Variants in C10orf143 observed in about 807,000 individuals in gnomAD.
C10orf143 encodes the protein chromosome 10 open reading frame 143, also known as uncharacterized protein C10orf143.
At chr10:130,087,915 G>A (rs191525856) in intron 1 of C10orf143, among the ~76,000 whole-genome samples, 2 of 152,350 alleles carry the variant, frequency 1.3e-5, no homozygotes, top group East Asian at 3.9e-4. Context: ...GAATAGAGAA[G>A]AGGCATGGTT....
At chr10:130,103,342 T>G (rs1019990548) in intron 1 of C10orf143, among the ~76,000 whole-genome samples, 7 of 152,104 alleles carry the variant, frequency 4.6e-5, no homozygotes, top group Non-Finnish European at 1.0e-4. Flanking sequence ...CTACTAAAAT[T>G]AGAAAAATTA....
chr10:130,048,599 G>A lies in C10orf143; in HGVS notation c.298-12629C>T, dbSNP rs552907224. On this transcript the variant is annotated intron_variant and NMD_transcript_variant, in intron 3 of 5. Coordinates refer to the C10orf143 transcript ENST00000643056. ...GTGCAGGGACCTCGGTCACTTTTAG[G>A]CTCCAAGGGCCACCTACTAGCCCCA... Among the ~76,000 whole-genome samples the A allele has an allele frequency of 1.2e-4, 18 of 152,272 alleles. No homozygotes were observed. The South Asian group carries it at 3.7e-3, about 32-fold the overall frequency.
At chr10:130,080,130 A>C (rs1298684944) in intron 1 of C10orf143, among the ~76,000 whole-genome samples, 5 of 152,226 alleles carry the variant, frequency 3.3e-5, no homozygotes, top group African/African-American at 1.2e-4. Context: ...AGCTTTATAC[A>C]TTTAAAACAG....
chr10:130,035,174 G>A (rs150094361), intron 4 of C10orf143, among the ~76,000 whole-genome samples: 1 of 152,286 alleles, frequency 6.6e-6, no homozygotes, highest in Non-Finnish European at 1.5e-5. Flanking sequence ...CAGGAGGCTG[G>A]AAGTCCAAGA....
At chr10:130,087,465 G>T (rs1372737011) in intron 1 of C10orf143, among the ~76,000 whole-genome samples, 1 of 152,140 alleles carries the variant, frequency 6.6e-6, no homozygotes, top group Admixed American at 6.6e-5. Flanking sequence ...AGAAATAGAC[G>T]CTGTTTCAAA....
chr10:130,067,812 G>A (rs577676167), intron 3 of C10orf143: 1 of 152,356 alleles, frequency 6.6e-6, no homozygotes, highest in African/African-American at 2.4e-5. Context: ...TTCCTTCTTG[G>A]AGGCGTCAAC....
chr10:130,093,785 G>A (rs192055230), intron 1 of C10orf143, among the ~76,000 whole-genome samples: 4 of 152,190 alleles, frequency 2.6e-5, no homozygotes, highest in Non-Finnish European at 5.9e-5. Flanking sequence ...GGCCGAGGCG[G>A]GCGGATCACG....
chr10:130,093,973 G>C (rs1861423875), intron 1 of C10orf143, among the ~76,000 whole-genome samples: 1 of 148,866 alleles, frequency 6.7e-6, no homozygotes, highest in Non-Finnish European at 1.5e-5. Context: ...TCGTGCCACT[G>C]TACTCCAGCC....
intron 3 of C10orf143, among the ~76,000 whole-genome samples, chr10:130,039,781 C>A (rs920481261): frequency 1.3e-5 from 2 of 152,106 alleles, no homozygotes; most frequent in Non-Finnish European, 2.9e-5. Flanking sequence ...ACGTCTCATG[C>A]GCTCTTCTCC....
chr10:130,090,986 CACAG>C (rs1861372557), intron 1 of C10orf143, among the ~76,000 whole-genome samples: 2 of 152,158 alleles, frequency 1.3e-5, no homozygotes, highest in Admixed American at 6.6e-5. Flanking sequence ...CAACTGTGGG[CACAG>C]CTTCAGCAGA....
At chr10:130,057,514 G>C (rs1426690567) in intron 3 of C10orf143, among the ~76,000 whole-genome samples, 1 of 152,186 alleles carries the variant, frequency 6.6e-6, no homozygotes, top group Non-Finnish European at 1.5e-5. Flanking sequence ...GTAAGCAACT[G>C]GGGGGCCAGA....
At chr10:130,089,796 A>C (rs1448855816) in intron 1 of C10orf143, among the ~76,000 whole-genome samples, 2 of 152,198 alleles carry the variant, frequency 1.3e-5, no homozygotes, top group African/African-American at 4.8e-5. Flanking sequence ...AAGAAAATTC[A>C]ATGGAGAAAG....
At chr10:130,057,056 ATTTTTT>A (rs11435950) in intron 3 of C10orf143, among the ~76,000 whole-genome samples, 2 of 133,566 alleles carry the variant, frequency 1.5e-5, no homozygotes, top group African/African-American at 2.8e-5. Context: ...AGGCCCAGCT[ATTTTTT>A]TTTTTTTTTT....
chr10:130,107,715 C>G, intron 1 of C10orf143: 1 of 1,248,348 alleles, frequency 8.0e-7, no homozygotes, highest in South Asian at 1.2e-5. Flanking sequence ...GGAAGAGGCT[C>G]AAGAGGCCCA....
At chr10:130,042,446 A>T (rs1280526563) in intron 3 of C10orf143, among the ~76,000 whole-genome samples, 1 of 152,376 alleles carries the variant, frequency 6.6e-6, no homozygotes, top group Non-Finnish European at 1.5e-5. Flanking sequence ...GATCGATTTC[A>T]CCATCGTTTT....
intron 1 of C10orf143, among the ~76,000 whole-genome samples, chr10:130,097,480 T>C (rs774730181): frequency 6.6e-5 from 10 of 152,204 alleles, no homozygotes; most frequent in Admixed American, 2.0e-4. Context: ...GGATCCCTCA[T>C]ATGTTGGTGG....
chr10:130,063,548 C>T (rs577427103), downstream of C10orf143, among the ~76,000 whole-genome samples: 3 of 152,296 alleles, frequency 2.0e-5, no homozygotes, highest in Non-Finnish European at 4.4e-5. Flanking sequence ...GTTTCAACAC[C>T]TTGTCTTCCT....
intron 1 of C10orf143, among the ~76,000 whole-genome samples, chr10:130,096,683 A>T (rs1212197747): frequency 6.7e-6 from 1 of 149,676 alleles, no homozygotes; most frequent in Non-Finnish European, 1.5e-5. Flanking sequence ...TCACACACCC[A>T]CACACTGGGG....
chr10:130,049,074 C>T (rs746687427), intron 3 of C10orf143, among the ~76,000 whole-genome samples: 2 of 152,152 alleles, frequency 1.3e-5, no homozygotes, highest in Non-Finnish European at 2.9e-5. Flanking sequence ...CCTAGGACTC[C>T]GGGGCTCCTT....
Sources: allele counts gnomAD v4.1 joint callset (sites outside exome capture counted in the v4.1 genomes callset), GRCh38; gene constraint gnomAD v4.1.1; transcripts MANE v1.5; gene names NCBI Gene and HGNC (gene_info 2026-07-23, HGNC 2026-07-21).